Variants in ATF2 observed in about 807,000 individuals in gnomAD.
ATF2 encodes activating transcription factor 2, also known as cyclic AMP-dependent transcription factor ATF-2.
ATF2 carries 24 observed loss-of-function variants against 60.6 expected under a neutral mutation model. The observed-to-expected ratio is 0.40, with a 90% CI of 0.29 to 0.56. The LOEUF (loss-of-function observed/expected upper bound fraction) is 0.56, where lower values mean the gene tolerates loss of function less well. Ranked by LOEUF, ATF2 falls within the 20% of genes least tolerant of loss-of-function variation. The pLI, the probability that ATF2 is intolerant of heterozygous loss-of-function variation, is 0.54. For synonymous variants in ATF2, 206 were observed against 215.4 expected, an observed-to-expected ratio of 0.96 and a Z score of 0.38; for missense variants, 433 against 607.7, an observed-to-expected ratio of 0.71 and a Z score of 3.02.
chr2:175,076,957 C>G (rs1187056779), intron 13 of ATF2, among the ~76,000 whole-genome samples: 1 of 127,328 alleles, frequency 7.9e-6, no homozygotes, highest in Non-Finnish European at 1.6e-5. Context: ...CTCCCCCCAC[C>G]CCACAACAGG....
chr2:175,141,931 A>G (rs1268195464), intron 2 of ATF2, among the ~76,000 whole-genome samples: 1 of 152,192 alleles, frequency 6.6e-6, no homozygotes. Flanking sequence ...GACCAAAAAC[A>G]GCTCTGGGGT....
intron 10 of ATF2, among the ~76,000 whole-genome samples, chr2:175,110,314 G>A (rs764472004): frequency 1.4e-5 from 2 of 140,334 alleles, no homozygotes; most frequent in Non-Finnish European, 3.0e-5. Context: ...CAGCCTGGGT[G>A]AGAGAGCGAG....
chr2:175,105,748 T>C lies in ATF2; in HGVS notation c.828+5820A>G, dbSNP rs980654640. 1.9e-4 allele frequency among the ~76,000 whole-genome samples: 29 copies of C among 152,148 alleles called. 1 individual carries two copies. The highest frequency in any genetic ancestry group is 6.3e-4 in the African/African-American group (26 of 41,450). Reference sequence around the variant, plus strand: ...GCTGAAATAAATAGCTATGATCTATTAGAAAATGGAAATAAAGGAAAATCA... The same window carrying C: ...GCTGAAATAAATAGCTATGATCTATCAGAAAATGGAAATAAAGGAAAATCA... On this transcript the variant is annotated intron_variant, in intron 10 of 13. Transcript: ENST00000264110.
chr2:175,113,925 A>G (rs1696374428), intron 9 of ATF2, 69 bp downstream of exon 9: 84 of 1,310,692 alleles, frequency 6.4e-5, no homozygotes, highest in Non-Finnish European at 8.9e-5. Flanking sequence ...CCAGTCAAGC[A>G]GCCAACTTTA....
At chr2:175,137,423 A>G (rs1698216055) in intron 2 of ATF2, among the ~76,000 whole-genome samples, 1 of 152,174 alleles carries the variant, frequency 6.6e-6, no homozygotes, top group Non-Finnish European at 1.5e-5. Context: ...CAAGTAGAAT[A>G]TGAGCTCCAT....
At chr2:175,159,266 C>T (rs2105356435) in intron 1 of ATF2, among the ~76,000 whole-genome samples, 1 of 151,938 alleles carries the variant, frequency 6.6e-6, no homozygotes, top group Admixed American at 6.6e-5. Context: ...GTTCAGTGAG[C>T]TGAGAACCTA....
intron 12 of ATF2, chr2:175,092,677 A>C (rs1320783434): frequency 5.0e-6 from 2 of 402,484 alleles, no homozygotes; most frequent in Non-Finnish European, 9.7e-6. Flanking sequence ...ATTTAAAAAT[A>C]AAAACTGCTA....
rs944606245 is a variant in ATF2, at chr2:175,072,372, A to G, written c.*2237T>C. The G allele has an allele frequency of 6.6e-6, 1 of 152,196 alleles. No homozygotes were observed. The highest frequency in any genetic ancestry group is 1.5e-5 in the Non-Finnish European group (1 of 68,030). 9.4% of individuals were successfully genotyped at this position (152,196 alleles called of 1,614,324 possible). ...TATAAGGACTGAAAATGCTAGGTAC[A>G]GAAGTAGTATGACATCCTGAAAGTC... On this transcript the variant is annotated 3_prime_UTR_variant, in exon 14 of 14. Coordinates refer to ENST00000264110, the MANE Select transcript of ATF2 (RefSeq NM_001880.4).
At chr2:175,165,281 A>C (rs1232185727) in intron 1 of ATF2, among the ~76,000 whole-genome samples, 1 of 152,178 alleles carries the variant, frequency 6.6e-6, no homozygotes, top group Non-Finnish European at 1.5e-5. Context: ...CATAAGGGAG[A>C]CTTCAACTAC....
intron 7 of ATF2, among the ~76,000 whole-genome samples, chr2:175,117,540 G>C (rs1176064435): frequency 6.6e-6 from 1 of 151,896 alleles, no homozygotes; most frequent in Non-Finnish European, 1.5e-5. Flanking sequence ...GATTATCTGG[G>C]TATTCAAGCT....
intron 12 of ATF2, among the ~76,000 whole-genome samples, chr2:175,081,516 G>GTT (rs1693755638): frequency 1.3e-5 from 2 of 152,090 alleles, no homozygotes; most frequent in African/African-American, 4.8e-5. Flanking sequence ...TTAAAAACAC[G>GTT]TAAGTCAGTG....
intron 2 of ATF2, among the ~76,000 whole-genome samples, chr2:175,142,187 T>G (rs1388729347): frequency 9.4e-6 from 1 of 106,256 alleles, no homozygotes; most frequent in Non-Finnish European, 1.7e-5. Context: ...TTTTCTTTTC[T>G]TTTTTTTTTT....
At chr2:175,115,512 G>A (rs1301585941) in intron 7 of ATF2, among the ~76,000 whole-genome samples, 1 of 152,080 alleles carries the variant, frequency 6.6e-6, no homozygotes, top group Non-Finnish European at 1.5e-5. Flanking sequence ...ATTTCCTCTG[G>A]TTTTACAAAT....
At chr2:175,116,951 T>G (rs1168960252) in intron 7 of ATF2, among the ~76,000 whole-genome samples, 1 of 151,908 alleles carries the variant, frequency 6.6e-6, no homozygotes, top group Non-Finnish European at 1.5e-5. Flanking sequence ...AAAGTATGAT[T>G]TGGGGAACTC....
Position 175,097,516 on chromosome 2 carries a change from C to T in ATF2, c.906G>A (p.Leu302=), listed in dbSNP as rs758717622. 4 of 1,614,000 alleles carry T rather than the reference C, an allele frequency of 2.5e-6. No homozygotes were observed. Among genetic ancestry groups the T allele is most frequent in the Non-Finnish European group, 2.5e-6 (3 of 1,180,026 alleles). Residue 302 remains leucine (L), a synonymous_variant, in exon 11 of 14, where the codon TTG becomes TTA. Coordinates refer to ENST00000264110, the MANE Select transcript of ATF2 (RefSeq NM_001880.4). ...GDTVKGHGSG[L]VRTQSEESRP... is the part of the protein sequence containing the mutation. ...GAGATTCCTCTGACTGAGTCCTAACCAATCCGCTACCATGACCTTTGACAG... is the reference window on the plus strand; with the variant it reads ...GAGATTCCTCTGACTGAGTCCTAACTAATCCGCTACCATGACCTTTGACAG...
chr2:175,089,372 T>G (rs1694388183), intron 12 of ATF2, among the ~76,000 whole-genome samples: 1 of 152,144 alleles, frequency 6.6e-6, no homozygotes, highest in African/African-American at 2.4e-5. Context: ...TTGGTAAAAA[T>G]ATGAACAATC....
intron 1 of ATF2, chr2:175,167,624 AAC>A (rs1248131035): frequency 6.1e-6 from 3 of 490,396 alleles, no homozygotes; most frequent in Admixed American, 4.4e-5. Context: ...CTCCCCGCCC[AAC>A]CCAAGGACTG....
intron 12 of ATF2, among the ~76,000 whole-genome samples, chr2:175,087,950 G>A (rs1385509201): frequency 6.6e-6 from 1 of 152,106 alleles, no homozygotes; most frequent in East Asian, 1.9e-4. Flanking sequence ...TTCTGTAAGT[G>A]CAAAGACAAT....
chr2:175,087,781 A>G (rs1694269109), intron 12 of ATF2, among the ~76,000 whole-genome samples: 1 of 152,192 alleles, frequency 6.6e-6, no homozygotes, highest in African/African-American at 2.4e-5. Context: ...AAAACAAACT[A>G]GTTTTTAAAA....
Sources: gnomAD v4.1 joint callset for allele counts (sites outside exome capture counted in the v4.1 genomes callset) on GRCh38, gnomAD v4.1.1 for gene constraint, MANE v1.5 for transcripts, NCBI Gene and HGNC (gene_info 2026-07-23, HGNC 2026-07-21) for gene names.